SGCZ: variants seen among roughly 807,000 people sequenced by gnomAD.
SGCZ encodes the protein zeta-sarcoglycan.
In SGCZ, 40 loss-of-function variants were observed where a neutral mutation model predicts 41.3. That is an observed-to-expected ratio of 0.97 (90% CI 0.75 to 1.26). The LOEUF is 1.26. SGCZ is among the 50% of genes most tolerant of loss of function. The pLI, the probability that SGCZ is intolerant of heterozygous loss-of-function variation, is 0.00. For missense variants in SGCZ, 552 were observed against 369.8 expected (o/e 1.49, Z -4.04); for synonymous variants, 206 against 137.5 (o/e 1.50, Z -3.49).
intron 2 of SGCZ, among the ~76,000 whole-genome samples, chr8:14,461,563 A>G (rs1163275075): frequency 6.6e-6 from 1 of 152,094 alleles, no homozygotes; most frequent in Non-Finnish European, 1.5e-5. Flanking sequence ...CTTGACATGC[A>G]CTGACCTAGA....
chr8:14,986,624 A>G (rs956118369), intron 1 of SGCZ, among the ~76,000 whole-genome samples: 42 of 152,216 alleles, frequency 2.8e-4, no homozygotes, highest in African/African-American at 9.9e-4. Flanking sequence ...CATTTAGACT[A>G]AGTGTTACAA....
At chr8:14,400,805 G>A (rs574064727) in intron 2 of SGCZ, among the ~76,000 whole-genome samples, 2 of 152,008 alleles carry the variant, frequency 1.3e-5, no homozygotes, top group Non-Finnish European at 2.9e-5. Flanking sequence ...ATATAAAAAA[G>A]AATTGAATCC....
At chr8:15,044,293 C>T (rs1804221021) in intron 1 of SGCZ, among the ~76,000 whole-genome samples, 2 of 152,078 alleles carry the variant, frequency 1.3e-5, no homozygotes, top group Non-Finnish European at 1.5e-5. Context: ...TCAATTCAAC[C>T]CTTCTTTTTC....
At chr8:14,341,726 T>A (rs569873454) in intron 2 of SGCZ, among the ~76,000 whole-genome samples, 1 of 152,276 alleles carries the variant, frequency 6.6e-6, no homozygotes, top group Admixed American at 6.5e-5. Flanking sequence ...GCTATTCTTG[T>A]TTGAATAAGT....
intron 1 of SGCZ, among the ~76,000 whole-genome samples, chr8:14,966,485 G>A (rs943069688): frequency 1.3e-5 from 2 of 151,898 alleles, no homozygotes; most frequent in African/African-American, 2.4e-5. Context: ...AGGATTTTGT[G>A]TATTCAAATT....
intron 2 of SGCZ, among the ~76,000 whole-genome samples, chr8:14,541,680 G>A (rs1803473720): frequency 6.6e-6 from 1 of 151,992 alleles, no homozygotes; most frequent in African/African-American, 2.4e-5. Flanking sequence ...TGGTAGTTCT[G>A]ATTCTAGATC....
chr8:14,814,599 T>G (rs1801841209), intron 1 of SGCZ, among the ~76,000 whole-genome samples: 1 of 152,120 alleles, frequency 6.6e-6, no homozygotes, highest in Admixed American at 6.6e-5. Context: ...TTGGCCCTAC[T>G]TAAGTATAGG....
chr8:15,052,049 T>C (rs2130994901), intron 1 of SGCZ, among the ~76,000 whole-genome samples: 1 of 152,270 alleles, frequency 6.6e-6, no homozygotes, highest in East Asian at 1.9e-4. Context: ...GAAGAATCAA[T>C]CTGAGCCGTA....
intron 1 of SGCZ, among the ~76,000 whole-genome samples, chr8:14,619,531 T>A (rs973088141): frequency 6.6e-5 from 10 of 152,052 alleles, no homozygotes; most frequent in Non-Finnish European, 1.2e-4. Flanking sequence ...TGACTGTATA[T>A]CTAGAAAACC....
intron 1 of SGCZ, among the ~76,000 whole-genome samples, chr8:14,845,592 A>T (rs1264913006): frequency 1.3e-5 from 2 of 152,194 alleles, no homozygotes; most frequent in Admixed American, 1.3e-4. Flanking sequence ...GAATACAGTC[A>T]TTTTAACTTT....
Position 15,163,325 on chromosome 8 carries a change from C to T in SGCZ, c.39+74260G>A, listed in dbSNP as rs138784168. On this transcript the variant is annotated intron_variant, in intron 1 of 7. Transcript: ENST00000382080. The stretch of plus-strand genomic sequence containing the variant: ...TATCTTCATTTCAGAGCTGAGGAAA[C>T]TGAGGCATAACTACTAAGTAGGAGA... 8.3e-3 allele frequency among the ~76,000 whole-genome samples: 1,267 copies of T among 152,300 alleles called. 9 individuals are homozygous for T. The highest frequency in any genetic ancestry group is 0.013 in the Non-Finnish European group (897 of 68,026).
intron 4 of SGCZ, among the ~76,000 whole-genome samples, chr8:14,214,160 C>G (rs549503566): frequency 6.6e-6 from 1 of 152,250 alleles, no homozygotes; most frequent in Admixed American, 6.5e-5. Context: ...TGTGCTACTT[C>G]TGTCCTCCCC....
At chr8:14,729,904 G>A (rs761702630) in intron 1 of SGCZ, among the ~76,000 whole-genome samples, 9 of 152,136 alleles carry the variant, frequency 5.9e-5, no homozygotes, top group East Asian at 3.9e-4. Flanking sequence ...GGCCAACATG[G>A]TGAAACCCCA....
intron 1 of SGCZ, among the ~76,000 whole-genome samples, chr8:14,821,248 T>C (rs1332994279): frequency 6.6e-6 from 1 of 151,934 alleles, no homozygotes; most frequent in Non-Finnish European, 1.5e-5. Context: ...AGACATACAC[T>C]GTCTACTAAA....
intron 1 of SGCZ, among the ~76,000 whole-genome samples, chr8:14,776,586 CG>C (rs1800409323): frequency 6.7e-6 from 1 of 149,646 alleles, no homozygotes; most frequent in Non-Finnish European, 1.5e-5. Context: ...CTCAGCCTCC[CG>C]GGTTCAGGCC....
At chr8:15,030,687 T>C in intron 1 of SGCZ, among the ~76,000 whole-genome samples, 1 of 152,172 alleles carries the variant, frequency 6.6e-6, no homozygotes, top group East Asian at 1.9e-4. Flanking sequence ...AGCAACTTCC[T>C]TTCATTAGAG....
At chr8:14,317,169 A>G (rs1056452928) in intron 3 of SGCZ, among the ~76,000 whole-genome samples, 1 of 152,108 alleles carries the variant, frequency 6.6e-6, no homozygotes, top group African/African-American at 2.4e-5. Context: ...TAAAACATTT[A>G]GCGCAATGTT....
intron 5 of SGCZ, among the ~76,000 whole-genome samples, chr8:14,157,336 C>CTG (rs71209015): frequency 2.4e-3 from 337 of 138,886 alleles, no homozygotes; most frequent in African/African-American, 7.8e-3. Flanking sequence ...ATATATGCCT[C>CTG]TGTGTGTGTG....
chr8:15,185,981 T>A (rs1563172145), intron 1 of SGCZ, among the ~76,000 whole-genome samples: 1 of 151,574 alleles, frequency 6.6e-6, no homozygotes, highest in Admixed American at 6.6e-5. Flanking sequence ...TCCCAGCACT[T>A]TGGGAGGCCG....
Sources: allele counts gnomAD v4.1 joint callset (sites outside exome capture counted in the v4.1 genomes callset), GRCh38; gene constraint gnomAD v4.1.1; transcripts MANE v1.5; gene names NCBI Gene and HGNC (gene_info 2026-07-23, HGNC 2026-07-21).